Variants in SLC9C1 observed in about 807,000 individuals in gnomAD.
SLC9C1 encodes solute carrier family 9 member C1, also known as sodium/hydrogen exchanger 10.
In SLC9C1, 97 loss-of-function variants were observed where a neutral mutation model predicts 140.9. That is an observed-to-expected ratio of 0.69 (90% CI 0.58 to 0.82). SLC9C1 has a LOEUF of 0.82. SLC9C1 is among the 40% of genes least tolerant of loss of function. The pLI, the probability that SLC9C1 is intolerant of heterozygous loss-of-function variation, is 0.00. For synonymous variants in SLC9C1, 440 were observed against 442.6 expected, an observed-to-expected ratio of 0.99 and a Z score of 0.07; for missense variants, 1,340 against 1,389.3, an observed-to-expected ratio of 0.96 and a Z score of 0.56.
Position 112,199,470 on chromosome 3 carries a change from C to T in SLC9C1, c.2375-1G>A. 1.9e-6 allele frequency: 3 copies of T among 1,549,294 alleles called. No individual in the cohort carries two copies. In the South Asian group the frequency reaches 3.9e-5, roughly 20 times the overall value. On this transcript the variant is annotated splice_acceptor_variant, in intron 19 of 28. Transcript: ENST00000305815. LOFTEE classifies it high-confidence loss of function. ...TCTGGGTGATCATACTCTAAGTAGC[C>T]TAAAAAATAACAAAATATTTTTAGA...
At chr3:112,159,142 C>T (rs182619205) in intron 26 of SLC9C1, among the ~76,000 whole-genome samples, 2 of 151,548 alleles carry the variant, frequency 1.3e-5, no homozygotes, top group African/African-American at 4.8e-5. Flanking sequence ...TTGCTATAGA[C>T]TTCCCACTTA....
At chr3:112,145,796 C>T (rs973598562) in intron 28 of SLC9C1, among the ~76,000 whole-genome samples, 3 of 151,858 alleles carry the variant, frequency 2.0e-5, no homozygotes, top group East Asian at 1.9e-4. Flanking sequence ...GGGAGAGACC[C>T]GAAGGCAGAT....
At chr3:112,209,637 T>C (rs553336283) in intron 15 of SLC9C1, among the ~76,000 whole-genome samples, 44 of 152,070 alleles carry the variant, frequency 2.9e-4, no homozygotes, top group Non-Finnish European at 5.0e-4. Context: ...ATAAACAAAA[T>C]AGCAAAGTTT....
chr3:112,195,987 C>T (rs2077760397), intron 20 of SLC9C1, among the ~76,000 whole-genome samples: 1 of 152,100 alleles, frequency 6.6e-6, no homozygotes, highest in South Asian at 2.1e-4. Context: ...TTTACCTTTA[C>T]TGAGTCTTAT....
intron 1 of SLC9C1, among the ~76,000 whole-genome samples, chr3:112,288,297 C>T (rs1366714352): frequency 6.6e-6 from 1 of 151,946 alleles, no homozygotes; most frequent in Admixed American, 6.6e-5. Flanking sequence ...AGAGAAATGA[C>T]CCAAAATCAT....
intron 20 of SLC9C1, among the ~76,000 whole-genome samples, chr3:112,196,009 G>C (rs1006820041): frequency 2.9e-4 from 44 of 152,024 alleles, no homozygotes; most frequent in African/African-American, 9.6e-4. Context: ...TCTTTATAAG[G>C]TTCTGAGTTA....
chr3:112,279,840 T>C (rs775339765), intron 3 of SLC9C1, among the ~76,000 whole-genome samples: 2 of 152,210 alleles, frequency 1.3e-5, no homozygotes, highest in Non-Finnish European at 2.9e-5. Context: ...AAAACCCTTT[T>C]TCTCTGGTCC....
At chr3:112,224,189 G>A (rs1473090186) in intron 13 of SLC9C1, among the ~76,000 whole-genome samples, 1 of 152,154 alleles carries the variant, frequency 6.6e-6, no homozygotes, top group Non-Finnish European at 1.5e-5. Context: ...AGCAACTGAG[G>A]CACTCACAGG....
chr3:112,234,591 T>C (rs2078930876), intron 12 of SLC9C1, among the ~76,000 whole-genome samples: 1 of 152,214 alleles, frequency 6.6e-6, no homozygotes, highest in Admixed American at 6.5e-5. Flanking sequence ...GGTTTCCTTC[T>C]AGGGTTCTTA....
At chr3:112,142,891 GCCCTCTGTAGAAATCC>G (rs1237144795) in intron 28 of SLC9C1, among the ~76,000 whole-genome samples, 5 of 151,696 alleles carry the variant, frequency 3.3e-5, no homozygotes, top group Admixed American at 3.3e-4. Context: ...CTCCCTCCCT[GCCCTCTGTAGAAATCC>G]CCAGGGTCTA....
chr3:112,200,702 G>A lies in SLC9C1; in HGVS notation c.2374+9C>T, dbSNP rs367715029. 1.2e-6 allele frequency: 2 copies of A among 1,606,452 alleles called. No individual in the cohort carries two copies. Among genetic ancestry groups the A allele is most frequent in the African/African-American group, 2.7e-5 (2 of 74,426 alleles). ...GATGGTCATGCTAAATAGGATGAGA[G>A]CTACTTACCTAGCTCTTTTATAGCA... On this transcript the variant is annotated intron_variant, in intron 19 of 28. Coordinates refer to ENST00000305815, the MANE Select transcript of SLC9C1 (RefSeq NM_183061.3).
At position 112,185,512 on chromosome 3, in the gene SLC9C1, G is replaced by T; in HGVS notation, c.2524-3254C>A. 3 of 1,612,294 alleles carry T rather than the reference G, an allele frequency of 1.9e-6. No homozygotes were observed. The South Asian group carries it at 3.3e-5, about 18-fold the overall frequency. On this transcript the variant is annotated intron_variant, in intron 20 of 28. Transcript: ENST00000305815. ...TGGCTGATGATCTCTCCTTTTTCAG[G>T]TACAAAGACTTGCACAGGGGCCCCG...
At chr3:112,162,981 C>T (rs1253172004) in intron 26 of SLC9C1, among the ~76,000 whole-genome samples, 1 of 128,872 alleles carries the variant, frequency 7.8e-6, no homozygotes, top group African/African-American at 3.0e-5. Flanking sequence ...GATTCAACTT[C>T]TTCCTGGTTT....
intron 15 of SLC9C1, among the ~76,000 whole-genome samples, chr3:112,212,802 G>C (rs1192746333): frequency 4.6e-5 from 7 of 152,144 alleles, no homozygotes; most frequent in Admixed American, 3.9e-4. Flanking sequence ...ATCCAGGAGA[G>C]ATTCCCCAAC....
intron 28 of SLC9C1, among the ~76,000 whole-genome samples, chr3:112,150,837 TA>T (rs1267366397): frequency 5.9e-5 from 3 of 50,480 alleles, no homozygotes; most frequent in African/African-American, 4.6e-4. Flanking sequence ...TATATATATA[TA>T]TATTTTTTTT....
chr3:112,277,518 C>G (rs1158865363), intron 5 of SLC9C1, among the ~76,000 whole-genome samples, 177 bp downstream of exon 5: 4 of 152,110 alleles, frequency 2.6e-5, no homozygotes, highest in African/African-American at 9.7e-5. Context: ...AAGCCCATCA[C>G]TGGCATTTCT....
Position 112,281,068 on chromosome 3 carries a change from G to A in SLC9C1, c.89-285C>T, listed in dbSNP as rs546775934. The stretch of plus-strand genomic sequence containing the variant: ...TTGGGTTACTATTGAAATATTTATA[G>A]TAGTTTTGTACACATTATAAATCAG... On this transcript the variant is annotated intron_variant, in intron 2 of 28. Transcript: ENST00000305815. Among the ~76,000 whole-genome samples, 102 of 152,258 alleles carry A rather than the reference G, an allele frequency of 6.7e-4. 2 individuals are homozygous for A. Among genetic ancestry groups the A allele is most frequent in the Admixed American group, 2.1e-3 (32 of 15,280 alleles).
At chr3:112,147,284 A>C (rs904145932) in intron 28 of SLC9C1, among the ~76,000 whole-genome samples, 3 of 152,204 alleles carry the variant, frequency 2.0e-5, no homozygotes, top group Admixed American at 6.5e-5. Context: ...TACACCATTT[A>C]CATTCAAGAT....
intron 20 of SLC9C1, among the ~76,000 whole-genome samples, chr3:112,197,922 C>T (rs2077808047): frequency 6.6e-6 from 1 of 152,108 alleles, no homozygotes; most frequent in Non-Finnish European, 1.5e-5. Flanking sequence ...TCGGCCTGCT[C>T]CTGCTTAACA....
Sources: allele counts gnomAD v4.1 joint callset (sites outside exome capture counted in the v4.1 genomes callset), GRCh38; gene constraint gnomAD v4.1.1; transcripts MANE v1.5; gene names NCBI Gene and HGNC (gene_info 2026-07-23, HGNC 2026-07-21).